ESCO2: variants seen among roughly 807,000 people sequenced by gnomAD.
The protein encoded by ESCO2 is establishment of sister chromatid cohesion N-acetyltransferase 2, also known as N-acetyltransferase ESCO2.
In ESCO2, 51 loss-of-function variants were observed where a neutral mutation model predicts 61.7. The observed-to-expected ratio is 0.83, with a 90% CI of 0.66 to 1.04. The LOEUF (loss-of-function observed/expected upper bound fraction) is 1.04, where lower values mean the gene tolerates loss of function less well. Among genes scored for constraint, ESCO2 ranks in the 50% least tolerant of loss-of-function variants. The pLI is 0.00. For synonymous variants in ESCO2, 230 were observed against 238.2 expected (o/e 0.97, Z 0.32); for missense variants, 692 against 686.2 (o/e 1.01, Z -0.09).
In ESCO2 at chr8:27,775,659, A is replaced by C. The variant is rs1326451777; in HGVS notation, c.53+92A>C. 12 of 1,148,452 alleles carry C rather than the reference A, an allele frequency of 1.0e-5. 1 individual carries two copies. The highest frequency in any genetic ancestry group is 1.5e-5 in the Non-Finnish European group (11 of 755,568). 71.1% of individuals were successfully genotyped at this position (1,148,452 alleles called of 1,614,324 possible). ...TATTTTCTAAAATTTTCGTTCTTCC[A>C]CTAGCCTACTCCTTGTGGCTACAGT... On this transcript the variant is annotated intron_variant, in intron 2 of 10. Coordinates refer to ENST00000305188, the MANE Select transcript of ESCO2 (RefSeq NM_001017420.3).
At chr8:27,802,356 G>T (rs1339199067) in intron 10 of ESCO2, among the ~76,000 whole-genome samples, 1 of 150,926 alleles carries the variant, frequency 6.6e-6, no homozygotes, top group Non-Finnish European at 1.5e-5. Context: ...TGTACTTTGG[G>T]AGGCCGAGGC....
rs1315976619 is a variant in ESCO2 at position 27,792,027 on chromosome 8, A to G, written c.1328A>G (p.His443Arg). The change falls in exon 8 of 11, where the codon CAT (histidine) becomes CGT (arginine). Residue 443 changes from histidine to arginine, a missense_variant. Physicochemically the swap from His to Arg is conservative, Grantham distance 29. Coordinates refer to ENST00000305188, the MANE Select transcript of ESCO2 (RefSeq NM_001017420.3). ...WDGKIVLVLP[H>R]DPSFAIKKVE... ...GGGAAAATCGTGTTGGTTCTGCCAC[A>G]TGATCCAAGCTTTGCTATCAAAAAG... 4.3e-6 allele frequency: 7 copies of G among 1,614,138 alleles called. No homozygotes were observed. Among genetic ancestry groups the G allele is most frequent in the East Asian group, 2.2e-5 (1 of 44,870 alleles).
At position 27,792,053 on chromosome 8, in the gene ESCO2, G is replaced by T. The variant is rs959080745; in HGVS notation, c.1353+1G>T. ...TGATCCAAGCTTTGCTATCAAAAAG[G>T]TATGGAACATTATCTTTTTATCTCT... is the stretch of plus-strand genomic sequence containing the variant. On this transcript the variant is annotated splice_donor_variant, in intron 8 of 10. Coordinates refer to ENST00000305188, the MANE Select transcript of ESCO2 (RefSeq NM_001017420.3). LOFTEE classifies it high-confidence loss of function. 2 of 1,613,792 alleles carry T rather than the reference G, an allele frequency of 1.2e-6. No individual in the cohort carries two copies. Among genetic ancestry groups the T allele is most frequent in the Middle Eastern group, 1.7e-4 (1 of 6,060 alleles).
At chr8:27,784,506 G>C (rs769359643) in intron 5 of ESCO2, among the ~76,000 whole-genome samples, 100 of 152,094 alleles carry the variant, frequency 6.6e-4, no homozygotes, top group Non-Finnish European at 1.4e-3. Context: ...TGCCTTCCCT[G>C]GGTGATAGTA....
downstream of ESCO2, chr8:27,809,958 C>A (rs979025244): frequency 4.3e-6 from 1 of 234,208 alleles, no homozygotes; most frequent in Non-Finnish European, 8.3e-6. Flanking sequence ...TCAGTAGATC[C>A]ATTAAAATAT....
upstream of ESCO2, chr8:27,772,473 G>A (rs1390067033): frequency 6.5e-7 from 1 of 1,544,458 alleles, no homozygotes; most frequent in South Asian, 1.2e-5. Flanking sequence ...TTCGGAGCCC[G>A]CTGTCCAGCA....
chr8:27,777,327 A>G (rs1246069857), intron 3 of ESCO2, 158 bp downstream of exon 3: 4 of 698,186 alleles, frequency 5.7e-6, no homozygotes, highest in African/African-American at 1.8e-5. Context: ...TTATTTTAAG[A>G]CAGGGTCTTT....
At chr8:27,786,942 C>T (rs1321537428) in intron 5 of ESCO2, among the ~76,000 whole-genome samples, 2 of 149,516 alleles carry the variant, frequency 1.3e-5, no homozygotes, top group Non-Finnish European at 3.0e-5. Flanking sequence ...AAGGTCCTTT[C>T]ATTACAAGGC....
chr8:27,794,837 C>T (rs757477906), intron 9 of ESCO2, among the ~76,000 whole-genome samples: 1 of 152,108 alleles, frequency 6.6e-6, no homozygotes, highest in Non-Finnish European at 1.5e-5. Context: ...GAGACTGTGT[C>T]CTTGCCCCAT....
downstream of ESCO2, chr8:27,811,250 C>T: frequency 1.2e-6 from 1 of 825,344 alleles, no homozygotes; most frequent in Non-Finnish European, 2.0e-6. Flanking sequence ...ATCAGTGTAG[C>T]CAGAAAATGT....
chr8:27,816,196 T>C (rs11136011), downstream of ESCO2, among the ~76,000 whole-genome samples: 61,322 of 151,560 alleles, frequency 0.4, 12,853 homozygotes, highest in East Asian at 0.62. Flanking sequence ...CAAAAGCTGC[T>C]TTCCATCCTA....
chr8:27,816,697 G>A (rs910505236), downstream of ESCO2, among the ~76,000 whole-genome samples: 2 of 151,718 alleles, frequency 1.3e-5, no homozygotes, highest in African/African-American at 2.4e-5. Flanking sequence ...TTTTAGTTGT[G>A]AAATGTTAAT....
At chr8:27,799,121 A>G (rs1805367352) in intron 9 of ESCO2, among the ~76,000 whole-genome samples, 1 of 125,332 alleles carries the variant, frequency 8.0e-6, no homozygotes, top group Non-Finnish European at 1.7e-5. Context: ...CTTCTTATGA[A>G]TCTATTTCAA....
chr8:27,791,589 T>G (rs1015413655), intron 7 of ESCO2, among the ~76,000 whole-genome samples: 8 of 152,188 alleles, frequency 5.3e-5, no homozygotes, highest in African/African-American at 1.9e-4. Context: ...CTTAGCCTTT[T>G]CTTGGAATTT....
intron 3 of ESCO2, chr8:27,778,340 A>G (rs1804846426): frequency 6.6e-6 from 1 of 152,000 alleles, no homozygotes; most frequent in South Asian, 2.1e-4. Context: ...TTTCCTGTTT[A>G]TCGAGTATGG....
At chr8:27,818,732 A>G in the ESCO2 span, among the ~76,000 whole-genome samples, 1 of 152,052 alleles carries the variant, frequency 6.6e-6, no homozygotes, top group African/African-American at 2.4e-5. Context: ...CCACTGTGAT[A>G]TAGAATTCTT....
chr8:27,793,219 T>C (rs1805216733), intron 9 of ESCO2, among the ~76,000 whole-genome samples: 1 of 152,188 alleles, frequency 6.6e-6, no homozygotes, highest in African/African-American at 2.4e-5. Flanking sequence ...CTCCTTGTGT[T>C]ATTAGAAGTT....
In ESCO2 at chr8:27,804,130, A is replaced by C. The variant is rs982868650; in HGVS notation, c.*692A>C. 3.0e-6 allele frequency: 3 copies of C among 985,296 alleles called. No homozygotes were observed. The African/African-American group carries it at 5.2e-5, about 17-fold the overall frequency. The allele number at this position is 985,296 out of a possible 1,614,324, so 61.0% of individuals were successfully genotyped here. ...AAATGTTTAGAATTTATTTGTAACA[A>C]GATGGTAAGGAATAAGATTATCCCA... On this transcript the variant is annotated 3_prime_UTR_variant, in exon 11 of 11. Transcript: ENST00000305188.
At chr8:27,801,969 ATTTTTTTTT>A (rs34539100) in intron 10 of ESCO2, among the ~76,000 whole-genome samples, 1 of 83,780 alleles carries the variant, frequency 1.2e-5, no homozygotes, top group African/African-American at 4.8e-5. Flanking sequence ...CCTTCATGGC[ATTTTTTTTT>A]TTTTTTTTTT....
Sources: gnomAD v4.1 joint callset for allele counts (sites outside exome capture counted in the v4.1 genomes callset) on GRCh38, gnomAD v4.1.1 for gene constraint, MANE v1.5 for transcripts, NCBI Gene and HGNC (gene_info 2026-07-23, HGNC 2026-07-21) for gene names.